The following FGF18 variants were observed in gnomAD, a reference collection of about 807,000 sequenced individuals.
The protein encoded by FGF18 is fibroblast growth factor 18.
Under a neutral mutation model 23.0 loss-of-function variants are expected in FGF18, and 5 were observed. The observed-to-expected ratio is 0.22, with a 90% CI of 0.11 to 0.46. The LOEUF (loss-of-function observed/expected upper bound fraction) is 0.46, where lower values mean the gene tolerates loss of function less well. FGF18 is among the 20% of genes least tolerant of loss of function. The probability of loss-of-function intolerance (pLI) is 0.99; values close to 1 mark genes in which losing one functional copy is unlikely to be tolerated. For missense variants in FGF18, 180 were observed against 291.6 expected, an observed-to-expected ratio of 0.62 and a Z score of 2.79; for synonymous variants, 117 against 118.9, an observed-to-expected ratio of 0.98 and a Z score of 0.10.
At chr5:171,437,107 C>T (rs1334012193) in intron 3 of FGF18, among the ~76,000 whole-genome samples, 2 of 152,222 alleles carry the variant, frequency 1.3e-5, no homozygotes, top group African/African-American at 4.8e-5. Flanking sequence ...CCTGCCTTCT[C>T]AGGCCCAGGT....
chr5:171,439,956 AT>A (rs1460413977), intron 3 of FGF18, among the ~76,000 whole-genome samples: 1 of 152,212 alleles, frequency 6.6e-6, no homozygotes, highest in Non-Finnish European at 1.5e-5. Context: ...AGTGCCCAGA[AT>A]AACCCTGGGC....
chr5:171,453,561 G>A (rs551745275), intron 4 of FGF18, among the ~76,000 whole-genome samples: 6 of 152,294 alleles, frequency 3.9e-5, no homozygotes, highest in East Asian at 1.9e-4. Context: ...GAGCTGCAGT[G>A]GCTAGGGCAG....
rs766890171 is a variant in FGF18 at position 171,456,690 on chromosome 5, A to T, written c.509A>T (p.Gln170Leu). The change falls in exon 5 of 5, where the codon CAG becomes CTG. Residue 170 changes from glutamine (Q) to leucine (L), a missense_variant. By Grantham distance (113) the Gln-to-Leu change is moderately radical (BLOSUM62 -2). Transcript: ENST00000274625. The surrounding 1 kb of genome is among the most constrained non-coding windows in gnomAD (Gnocchi z 6.1). ...GGCCCCAAGACCCGGGAGAACCAGC[A>T]GGACGTGCATTTCATGAAGCGCTAC... ...RKGPKTRENQQDVHFMKRYPK... is the reference protein window; with the variant it reads ...RKGPKTRENQLDVHFMKRYPK... The T allele has an allele frequency of 6.2e-7, 1 of 1,614,030 alleles. No homozygotes were observed. The highest frequency in any genetic ancestry group is 1.1e-5 in the South Asian group (1 of 91,062).
chr5:171,442,415 T>C (rs10077350), intron 3 of FGF18, among the ~76,000 whole-genome samples: 24,694 of 152,124 alleles, frequency 0.16, 2,279 homozygotes, highest in South Asian at 0.31. Context: ...CTCAGTGCTG[T>C]CTGTAGTGAG....
rs984090191 is a variant in FGF18 at position 171,451,057 on chromosome 5, C to T, written c.357+1804C>T. ...AGCCCCGTCCCCTCGGGCCGCCCCC[C>T]CACCCCGCCGCCGGCCGCCTCCCGC... On this transcript the variant is annotated intron_variant, in intron 4 of 4. Coordinates refer to ENST00000274625, the MANE Select transcript of FGF18 (RefSeq NM_003862.3). This position sits in a 1 kb window ranked among gnomAD's most constrained non-coding sequence, Gnocchi z 4.5. Among the ~76,000 whole-genome samples the T allele has an allele frequency of 1.3e-4, 19 of 151,548 alleles. No homozygotes were observed. The highest frequency in any genetic ancestry group is 4.6e-4 in the African/African-American group (19 of 41,358).
rs1418463852 is a variant in FGF18 at position 171,434,229 on chromosome 5, C to T, written c.70-1864C>T. ...TAATTCTGCATTACTGCTCTGGGGC[C>T]TTGTCAGTGGAGCTGACAGTTTCCT... On this transcript the variant is annotated intron_variant, in intron 2 of 4. Coordinates refer to ENST00000274625, the MANE Select transcript of FGF18 (RefSeq NM_003862.3). The surrounding 1 kb of genome is among the most constrained non-coding windows in gnomAD (Gnocchi z 4.6). Among the ~76,000 whole-genome samples, 2 of 152,236 alleles carry T rather than the reference C, an allele frequency of 1.3e-5. No individual in the cohort carries two copies. Among genetic ancestry groups the T allele is most frequent in the Non-Finnish European group, 2.9e-5 (2 of 68,044 alleles).
rs796391565 is a variant in FGF18 at position 171,448,563 on chromosome 5, C to G, written c.251-584C>G. The stretch of plus-strand genomic sequence containing the variant: ...CTGTATCTATCTGTCCCCTTGGTCC[C>G]CTTAGCTACTTCTCTGTGGTTATTT... On this transcript the variant is annotated intron_variant, in intron 3 of 4. Coordinates refer to ENST00000274625, the MANE Select transcript of FGF18 (RefSeq NM_003862.3). 1.2e-4 allele frequency among the ~76,000 whole-genome samples: 18 copies of G among 152,150 alleles called. 1 individual carries two copies. Among genetic ancestry groups the G allele is most frequent in the African/African-American group, 4.1e-4 (17 of 41,498 alleles).
intron 3 of FGF18, among the ~76,000 whole-genome samples, chr5:171,447,711 T>C (rs1413081623): frequency 6.6e-6 from 1 of 152,196 alleles, no homozygotes; most frequent in Non-Finnish European, 1.5e-5. Flanking sequence ...TCTATATTTG[T>C]AAATTTTTTT....
At position 171,451,822 on chromosome 5, in the gene FGF18, C is replaced by A. The variant is rs1216711567; in HGVS notation, c.357+2569C>A. 6.6e-6 allele frequency among the ~76,000 whole-genome samples: 1 copy of A among 152,226 alleles called. No homozygotes were observed. The highest frequency in any genetic ancestry group is 1.5e-5 in the Non-Finnish European group (1 of 68,032). ...ATGCTGTGCCCTCTGCCGGGACTGC[C>A]CTTCCCTCTGTCCACTTGCCCTGAG... On this transcript the variant is annotated intron_variant, in intron 4 of 4. Transcript: ENST00000274625. This position sits in a 1 kb window ranked among gnomAD's most constrained non-coding sequence, Gnocchi z 4.5.
chr5:171,433,481 A>G (rs1340797045), intron 2 of FGF18, among the ~76,000 whole-genome samples: 1 of 152,164 alleles, frequency 6.6e-6, no homozygotes, highest in Non-Finnish European at 1.5e-5. Context: ...AGGAAGGTCA[A>G]AGGCCATGGG....
At chr5:171,442,118 C>T (rs1401195162) in intron 3 of FGF18, among the ~76,000 whole-genome samples, 1 of 152,208 alleles carries the variant, frequency 6.6e-6, no homozygotes, top group African/African-American at 2.4e-5. Context: ...TCACCAACCC[C>T]TTGACTGACA....
chr5:171,441,955 A>G (rs1238461693), intron 3 of FGF18, among the ~76,000 whole-genome samples: 6 of 151,950 alleles, frequency 3.9e-5, no homozygotes, highest in African/African-American at 1.5e-4. Flanking sequence ...CCAGGCTTGC[A>G]CTGTGCAGTG....
chr5:171,446,273 C>G (rs1772417981), intron 3 of FGF18, among the ~76,000 whole-genome samples: 1 of 152,042 alleles, frequency 6.6e-6, no homozygotes, highest in Non-Finnish European at 1.5e-5. Flanking sequence ...GCCCCAGGCC[C>G]TTTGGACAGC....
intron 4 of FGF18, 95 bp downstream of exon 4, chr5:171,449,348 T>C (rs1772459580): frequency 4.2e-6 from 3 of 707,184 alleles, no homozygotes; most frequent in African/African-American, 1.9e-5. Context: ...CAGTCCCAAA[T>C]GGAAAACAGG....
intron 4 of FGF18, among the ~76,000 whole-genome samples, chr5:171,454,493 G>A (rs558350080): frequency 6.6e-6 from 1 of 152,252 alleles, no homozygotes; most frequent in East Asian, 1.9e-4. Context: ...CACCCATACT[G>A]TCCTCTGGGT....
chr5:171,451,662 A>G lies in FGF18; in HGVS notation c.357+2409A>G, dbSNP rs894435482. Among the ~76,000 whole-genome samples the G allele has an allele frequency of 3.9e-4, 58 of 150,110 alleles. No homozygotes were observed. Among genetic ancestry groups the G allele is most frequent in the African/African-American group, 1.4e-3 (57 of 40,826 alleles). ...TCCACCCCCACCCAGCTCCAAACCC[A>G]TCCATGGGTCCTCCCACCTTGCTAT... On this transcript the variant is annotated intron_variant, in intron 4 of 4. Coordinates refer to ENST00000274625, the MANE Select transcript of FGF18 (RefSeq NM_003862.3). The surrounding 1 kb of genome is among the most constrained non-coding windows in gnomAD (Gnocchi z 4.5).
At chr5:171,426,997 T>C (rs933982693) in intron 2 of FGF18, among the ~76,000 whole-genome samples, 3 of 152,046 alleles carry the variant, frequency 2.0e-5, no homozygotes, top group Non-Finnish European at 4.4e-5. Flanking sequence ...TCACTTGAGG[T>C]CAGGAGTTTG....
intron 4 of FGF18, among the ~76,000 whole-genome samples, chr5:171,452,898 G>C (rs759064418): frequency 6.6e-6 from 1 of 152,112 alleles, no homozygotes; most frequent in African/African-American, 2.4e-5. Flanking sequence ...ACAGTCCAGG[G>C]GGTAGTTCTA....
chr5:171,447,640 G>GATTA (rs1437045039), intron 3 of FGF18, among the ~76,000 whole-genome samples: 1 of 152,174 alleles, frequency 6.6e-6, no homozygotes, highest in Non-Finnish European at 1.5e-5. Flanking sequence ...AGGAGGGCTA[G>GATTA]ATTAATTATT....
Sources: allele counts gnomAD v4.1 joint callset (sites outside exome capture counted in the v4.1 genomes callset), GRCh38; gene constraint gnomAD v4.1.1; non-coding constraint Gnocchi (gnomAD v3.1); transcripts MANE v1.5; gene names NCBI Gene and HGNC (gene_info 2026-07-23, HGNC 2026-07-21).